The following PHGR1 variants were observed in gnomAD, a reference collection of about 807,000 sequenced individuals.
PHGR1 encodes proline, histidine and glycine-rich protein 1.
PHGR1 carries 3 observed loss-of-function variants against 4.9 expected under a neutral mutation model. The ratio of observed to expected loss-of-function variants is 0.61; its 90% CI spans 0.28 to 1.58. The LOEUF (loss-of-function observed/expected upper bound fraction) is 1.58. PHGR1 is among the 40% of genes most tolerant of loss of function. PHGR1 has a pLI of 0.11. For missense variants in PHGR1, 81 were observed against 118.7 expected (o/e 0.68, Z 1.48); for synonymous variants, 32 against 46.1 (o/e 0.69, Z 1.24).
intron 3 of PHGR1, among the ~76,000 whole-genome samples, chr15:40,354,647 C>A (rs1889261817): frequency 1.3e-5 from 2 of 152,210 alleles, no homozygotes; most frequent in African/African-American, 4.8e-5. Flanking sequence ...CCTGCTGCTT[C>A]CCCGCCTGTG....
At chr15:40,355,611 C>G (rs1340149405) in intron 3 of PHGR1, among the ~76,000 whole-genome samples, 1 of 151,980 alleles carries the variant, frequency 6.6e-6, no homozygotes, top group East Asian at 1.9e-4. Flanking sequence ...CTCCCCTGAC[C>G]CAGCCTCCTG....
intron 3 of PHGR1, 128 bp from the exon 4 acceptor site, chr15:40,355,945 C>T: frequency 1.0e-6 from 1 of 979,508 alleles, no homozygotes; most frequent in Admixed American, 2.0e-5. Context: ...GCCCCCAGCC[C>T]TCCACCGCAA....
Position 40,356,282 on chromosome 15 carries a change from AC to A in PHGR1, c.233del (p.Pro78LeufsTer30). 1 of 1,544,718 alleles carries A rather than the reference AC, an allele frequency of 6.5e-7. No individual in the cohort carries two copies. Among genetic ancestry groups the A allele is most frequent in the Admixed American group, 2.0e-5 (1 of 50,494 alleles). ...CCCCTGGCCATGGCCCAGGTCACCC[AC>A]CCCCTGGTCCACATCACTGAGGAAG... is the stretch of plus-strand genomic sequence containing the variant. ...PPPGHGPGHP[P>X]PGPHH is the part of the protein sequence containing the mutation. On this transcript the variant is annotated frameshift_variant, in exon 4 of 4. Transcript: ENST00000448599. LOFTEE classifies it high-confidence loss of function.
intron 1 of PHGR1, 80 bp from the exon 2 acceptor site, chr15:40,353,134 TGTGTGTGTGTGTGCGCGC>T (rs1889232289): frequency 2.2e-6 from 2 of 910,824 alleles, no homozygotes; most frequent in Admixed American, 2.2e-5. Flanking sequence ...TGTGTGTGTG[TGTGTGTGTGTGTGCGCGC>T]GCGCGCGCAT....
Position 40,353,345 on chromosome 15 carries a change from C to A in PHGR1, c.10+78C>A. 3 of 1,538,964 alleles carry A rather than the reference C, an allele frequency of 1.9e-6. No individual in the cohort carries two copies. In the South Asian group the frequency reaches 3.6e-5, roughly 18 times the overall value. On this transcript the variant is annotated intron_variant, in intron 2 of 3. Transcript: ENST00000448599. ...AGCGGTAAAGGCAGGGACTATCAGT[C>A]AGCCATAACTAGTGCGTGCCAAAAA...
chr15:40,353,764 G>A (rs1037184335), intron 2 of PHGR1: 7 of 183,802 alleles, frequency 3.8e-5, no homozygotes, highest in Non-Finnish European at 8.0e-5. Flanking sequence ...TGGGCAGCCT[G>A]GATGGCTCCC....
chr15:40,356,249 C>A lies in PHGR1; in HGVS notation c.195C>A (p.Cys65Ter). The change falls in exon 4 of 4, where the codon TGC (cysteine) becomes TGA (stop). Residue 65 changes from cysteine to a stop codon, truncating the protein, a stop_gained. Coordinates refer to ENST00000448599, the MANE Select transcript of PHGR1 (RefSeq NM_001145643.2). LOFTEE classifies it low-confidence loss of function (END_TRUNC). ...CCCCCCACCATGGTCCAGGGCCCTGCGGGCCTCCCCCTGGCCATGGCCCAG... is the reference window on the plus strand; with the variant it reads ...CCCCCCACCATGGTCCAGGGCCCTGAGGGCCTCCCCCTGGCCATGGCCCAG... ...GPPPHHGPGP[C>*]GPPPGHGPGH... The A allele has an allele frequency of 6.5e-7, 1 of 1,547,072 alleles. No individual in the cohort carries two copies. The highest frequency in any genetic ancestry group is 8.7e-7 in the Non-Finnish European group (1 of 1,145,296).
Position 40,355,173 on chromosome 15 carries a change from C to CA in PHGR1, c.18+831dup, listed in dbSNP as rs111832905. ...GGCTTGTGGCAAAAAGTTAAAAAAACAAAAAAAAAACAAAAAACTCCCCTG... is the reference window on the plus strand; with the variant it reads ...GGCTTGTGGCAAAAAGTTAAAAAAACAAAAAAAAAAACAAAAAACTCCCCTG... On this transcript the variant is annotated intron_variant, in intron 3 of 3. Coordinates refer to ENST00000448599, the MANE Select transcript of PHGR1 (RefSeq NM_001145643.2). Among the ~76,000 whole-genome samples the CA allele has an allele frequency of 2.6e-3, 377 of 146,218 alleles. 1 individual carries two copies. The highest frequency in any genetic ancestry group is 0.011 in the Middle Eastern group (3 of 284).
intron 3 of PHGR1, among the ~76,000 whole-genome samples, chr15:40,355,338 A>G (rs1889275782): frequency 6.6e-6 from 1 of 152,114 alleles, no homozygotes; most frequent in Non-Finnish European, 1.5e-5. Context: ...TCCGCTCAGG[A>G]ACAGGTATGA....
chr15:40,353,202 A>C, intron 1 of PHGR1, 30 bp from the exon 2 acceptor site: 1 of 1,548,686 alleles, frequency 6.5e-7, no homozygotes, highest in Non-Finnish European at 8.7e-7. Context: ...TTTAGATTAC[A>C]GTAAATTAAA....
chr15:40,355,994 G>A, intron 3 of PHGR1, 79 bp from the exon 4 acceptor site: 1 of 1,416,860 alleles, frequency 7.1e-7, no homozygotes, highest in South Asian at 1.2e-5. Flanking sequence ...CCCCAGGGAA[G>A]TGGAGTGAGG....
At position 40,354,329 on chromosome 15, in the gene PHGR1, C is replaced by A. The variant is rs1020613627; in HGVS notation, c.11-16C>A. The A allele has an allele frequency of 7.8e-6, 12 of 1,535,914 alleles. No individual in the cohort carries two copies. The highest frequency in any genetic ancestry group is 1.0e-5 in the Non-Finnish European group (12 of 1,146,102). Reference sequence around the variant, plus strand: ...TGACCAAAGCTGCTTCTTTTTTTTCCCTTCCTCTCCCACAGGTCCGAAGGT... The same window carrying A: ...TGACCAAAGCTGCTTCTTTTTTTTCACTTCCTCTCCCACAGGTCCGAAGGT... On this transcript the variant is annotated splice_polypyrimidine_tract_variant and intron_variant, in intron 2 of 3. Coordinates refer to ENST00000448599, the MANE Select transcript of PHGR1 (RefSeq NM_001145643.2).
intron 1 of PHGR1, 69 bp from the exon 2 acceptor site, chr15:40,353,163 C>A: frequency 7.4e-7 from 1 of 1,357,080 alleles, no homozygotes; most frequent in Non-Finnish European, 1.0e-6. Context: ...GCGCGCGCAT[C>A]CGTGGGAGGG....
chr15:40,355,817 G>A (rs1438051724), intron 3 of PHGR1, among the ~76,000 whole-genome samples: 1 of 152,206 alleles, frequency 6.6e-6, no homozygotes, highest in African/African-American at 2.4e-5. Context: ...CGAGGTACAG[G>A]GAGCGGGAGT....
chr15:40,354,885 G>A (rs1041220563), intron 3 of PHGR1, among the ~76,000 whole-genome samples: 2 of 152,328 alleles, frequency 1.3e-5, no homozygotes, highest in Admixed American at 6.5e-5. Context: ...AGAGGCAGGT[G>A]GGGTGGGAAG....
At chr15:40,352,036 CA>C (rs1330826924) in intron 1 of PHGR1, among the ~76,000 whole-genome samples, 1 of 151,918 alleles carries the variant, frequency 6.6e-6, no homozygotes, top group Non-Finnish European at 1.5e-5. Context: ...TGTGCCCAGC[CA>C]AAAAAAATTT....
At chr15:40,353,110 GGTGTGTGTGTGT>G (rs57886573) in intron 1 of PHGR1, 110 bp from the exon 2 acceptor site, 277 of 564,808 alleles carry the variant, frequency 4.9e-4, no homozygotes, top group East Asian at 2.0e-3. Flanking sequence ...TCCTTTGAAG[GGTGTGTGTGTGT>G]GTGTGTGTGT....
At chr15:40,354,910 C>A (rs997503667) in intron 3 of PHGR1, among the ~76,000 whole-genome samples, 1 of 152,186 alleles carries the variant, frequency 6.6e-6, no homozygotes, top group Non-Finnish European at 1.5e-5. Context: ...TGTTTCCAGG[C>A]ATCACTGAGC....
At chr15:40,356,034 G>A (rs1889288891) in intron 3 of PHGR1, 39 bp from the exon 4 acceptor site, 1 of 1,534,950 alleles carries the variant, frequency 6.5e-7, no homozygotes, top group Non-Finnish European at 8.8e-7. Flanking sequence ...GCTTAGCCCT[G>A]ACCTCTGACT....
Sources: allele counts gnomAD v4.1 joint callset (sites outside exome capture counted in the v4.1 genomes callset), GRCh38; gene constraint gnomAD v4.1.1; transcripts MANE v1.5; gene names NCBI Gene and HGNC (gene_info 2026-07-23, HGNC 2026-07-21).